PLS1: variants seen among roughly 807,000 people sequenced by gnomAD.
The protein encoded by PLS1 is plastin 1.
A neutral mutation model predicts 73.7 loss-of-function variants in PLS1; 32 were observed. The observed-to-expected ratio is 0.43, with a 90% CI of 0.33 to 0.58. The LOEUF is 0.58. Ranked by LOEUF, PLS1 falls within the 20% of genes least tolerant of loss-of-function variation. The pLI, the probability that PLS1 is intolerant of heterozygous loss-of-function variation, is 0.04. For missense variants in PLS1, 633 were observed against 740.5 expected (o/e 0.85, Z 1.68); for synonymous variants, 217 against 261.3 (o/e 0.83, Z 1.63).
intron 1 of PLS1, among the ~76,000 whole-genome samples, chr3:142,600,876 TCATATA>T (rs1560024261): frequency 1.1e-4 from 7 of 65,476 alleles, no homozygotes; most frequent in African/African-American, 2.6e-4. Context: ...TGGCCTGGTT[TCATATA>T]TATATATATA....
intron 1 of PLS1, among the ~76,000 whole-genome samples, chr3:142,615,194 C>A (rs1344323725): frequency 6.6e-6 from 1 of 152,142 alleles, no homozygotes; most frequent in Non-Finnish European, 1.5e-5. Context: ...ATGGTCTGGA[C>A]AATTGTTGAT....
At chr3:142,647,901 G>T (rs151054517) in intron 1 of PLS1, among the ~76,000 whole-genome samples, 1 of 152,160 alleles carries the variant, frequency 6.6e-6, no homozygotes, top group Non-Finnish European at 1.5e-5. Flanking sequence ...AGTAGGGGCT[G>T]TGTGGAGGAC....
At chr3:142,680,799 T>G (rs1382080996) in intron 6 of PLS1, among the ~76,000 whole-genome samples, 4 of 152,170 alleles carry the variant, frequency 2.6e-5, no homozygotes, top group Admixed American at 6.5e-5. Context: ...TATACTATGA[T>G]TTTATAGATG....
chr3:142,637,852 C>T lies in PLS1; in HGVS notation c.-36-26350C>T, dbSNP rs930823480. ...CTGTAGATAAACAACATGCCAGGCC[C>T]CCCCGCCCCCTCTCTCTCTCTATAT... On this transcript the variant is annotated intron_variant, in intron 1 of 15. Transcript: ENST00000457734. Among the ~76,000 whole-genome samples the T allele has an allele frequency of 1.3e-5, 2 of 151,894 alleles. 1 individual carries two copies. The highest frequency in any genetic ancestry group is 4.2e-4 in the South Asian group (2 of 4,790).
At chr3:142,648,223 A>G (rs1284769247) in intron 1 of PLS1, among the ~76,000 whole-genome samples, 2 of 147,802 alleles carry the variant, frequency 1.4e-5, no homozygotes, top group African/African-American at 5.4e-5. Flanking sequence ...GGGGTAAAGA[A>G]CGGCTGTGAG....
At chr3:142,626,272 G>A (rs2036426007) in intron 1 of PLS1, among the ~76,000 whole-genome samples, 2 of 152,172 alleles carry the variant, frequency 1.3e-5, no homozygotes, top group Non-Finnish European at 2.9e-5. Flanking sequence ...AACACAATAT[G>A]TTAATAAGCA....
chr3:142,671,818 CTCTT>C (rs1339472097), intron 4 of PLS1, among the ~76,000 whole-genome samples: 1 of 152,188 alleles, frequency 6.6e-6, no homozygotes, highest in Non-Finnish European at 1.5e-5. Flanking sequence ...ACCTTTTCCC[CTCTT>C]TCTTCATTTC....
In PLS1 at chr3:142,647,480, A is replaced by ATTTTTC. The variant is rs1164286041; in HGVS notation, c.-36-16705_-36-16700dup. Among the ~76,000 whole-genome samples the ATTTTTC allele has an allele frequency of 2.5e-4, 36 of 144,592 alleles. No homozygotes were observed. In the East Asian group the frequency reaches 5.0e-3, roughly 20 times the overall value. The allele number at this position is 144,592 out of a possible 152,430, so 94.9% of individuals were successfully genotyped here. A position where few individuals can be genotyped will look rare whatever the true frequency, so the allele number is the denominator to read the frequency against. ...TGCATCTTTTGTAGTCTGCCTGTTC[A>ATTTTTC]TTTTTCTTTTTCTTTTTCTTTTCTT... is the stretch of plus-strand genomic sequence containing the variant. On this transcript the variant is annotated intron_variant, in intron 1 of 15. Coordinates refer to ENST00000457734, the MANE Select transcript of PLS1 (RefSeq NM_001145319.2).
At chr3:142,603,617 A>G (rs374494379) in intron 1 of PLS1, among the ~76,000 whole-genome samples, 16 of 152,078 alleles carry the variant, frequency 1.1e-4, no homozygotes, top group East Asian at 9.6e-4. Flanking sequence ...CGTCTCTACA[A>G]AAAAATTATC....
intron 4 of PLS1, among the ~76,000 whole-genome samples, chr3:142,672,015 T>C (rs551237908): frequency 6.6e-6 from 1 of 152,300 alleles, no homozygotes; most frequent in East Asian, 1.9e-4. Flanking sequence ...TATTCACCCC[T>C]TAACCCAGTT....
intron 1 of PLS1, among the ~76,000 whole-genome samples, chr3:142,662,631 T>C (rs2037395696): frequency 6.6e-6 from 1 of 152,170 alleles, no homozygotes; most frequent in Non-Finnish European, 1.5e-5. Context: ...AATTCTACTT[T>C]TAGATATTTA....
rs1393627068 is a variant in PLS1 at position 142,704,016 on chromosome 3, G to A, written c.1505+15G>A. ...CTGATGAGAAGGTAAAGGCTGATAT[G>A]TTGGTAGCAACACTGCCTGTTTCCT... On this transcript the variant is annotated intron_variant, in intron 13 of 15. Coordinates refer to ENST00000457734, the MANE Select transcript of PLS1 (RefSeq NM_001145319.2). The A allele has an allele frequency of 6.2e-7, 1 of 1,610,982 alleles. No individual in the cohort carries two copies. The highest frequency in any genetic ancestry group is 1.7e-5 in the Admixed American group (1 of 59,840).
intron 1 of PLS1, among the ~76,000 whole-genome samples, chr3:142,630,526 G>T (rs950923216): frequency 3.9e-5 from 6 of 152,090 alleles, no homozygotes; most frequent in Admixed American, 3.9e-4. Flanking sequence ...GCCGAGGTGG[G>T]CAGATCATGA....
rs558258157 is a variant in PLS1, at chr3:142,713,107, T to C, written c.*1100T>C. ...TCAATGTAGAGTATTTTCATATGTT[T>C]TTCACAGCCCGTTACAAATTGGCAA... is the stretch of plus-strand genomic sequence containing the variant. On this transcript the variant is annotated 3_prime_UTR_variant, in exon 16 of 16. Transcript: ENST00000457734. 2 of 152,626 alleles carry C rather than the reference T, an allele frequency of 1.3e-5. No homozygotes were observed. The highest frequency in any genetic ancestry group is 4.8e-5 in the African/African-American group (2 of 41,590). The allele number at this position is 152,626 out of a possible 1,614,324, so 9.5% of individuals were successfully genotyped here.
intron 6 of PLS1, among the ~76,000 whole-genome samples, chr3:142,679,969 C>G (rs1169534866): frequency 3.3e-5 from 5 of 152,114 alleles, no homozygotes; most frequent in Admixed American, 2.0e-4. Context: ...GTTTGTAGTT[C>G]TCCTTGAAGA....
chr3:142,681,574 G>A (rs1051029736), intron 6 of PLS1, among the ~76,000 whole-genome samples: 2 of 152,332 alleles, frequency 1.3e-5, no homozygotes, highest in South Asian at 2.1e-4. Context: ...ACTGCCCTAA[G>A]AAGGCAGGGC....
intron 1 of PLS1, chr3:142,657,166 G>A (rs930256960): frequency 2.6e-5 from 4 of 152,220 alleles, no homozygotes; most frequent in East Asian, 1.9e-4. Flanking sequence ...TGGCTTAGTC[G>A]GCAGATTCTC....
rs145328564 is a variant in PLS1 at position 142,605,088 on chromosome 3, G to T, written c.-37+8579G>T. ...CTATGATCAGAACCATGGATGAGAA[G>T]TCAAAGTCTGTGATTCTGTTTCTGA... On this transcript the variant is annotated intron_variant, in intron 1 of 15. Transcript: ENST00000457734. Among the ~76,000 whole-genome samples the T allele has an allele frequency of 7.6e-4, 115 of 152,260 alleles. 3 individuals carry two copies. The East Asian group carries it at 0.022, about 29-fold the overall frequency.
rs577539180 is a variant in PLS1, at chr3:142,604,296, G to A, written c.-37+7787G>A. Among the ~76,000 whole-genome samples the A allele has an allele frequency of 3.3e-5, 5 of 152,314 alleles. No individual in the cohort carries two copies. In the East Asian group the frequency reaches 9.6e-4, roughly 29 times the overall value. On this transcript the variant is annotated intron_variant, in intron 1 of 15. Coordinates refer to ENST00000457734, the MANE Select transcript of PLS1 (RefSeq NM_001145319.2). ...GAATCTCTAGGTTGATATCAAGTTA[G>A]TATTTATAATCTTTGTAAATAAACC...
Sources: gnomAD v4.1 joint callset for allele counts (sites outside exome capture counted in the v4.1 genomes callset) on GRCh38, gnomAD v4.1.1 for gene constraint, MANE v1.5 for transcripts, NCBI Gene and HGNC (gene_info 2026-07-23, HGNC 2026-07-21) for gene names.